The following SMYD3 variants were observed in gnomAD, a reference collection of about 807,000 sequenced individuals.
SMYD3 encodes the protein SET and MYND domain containing 3.
In SMYD3, 36 loss-of-function variants were observed where a neutral mutation model predicts 57.7. The observed-to-expected ratio is 0.62, with a 90% CI of 0.48 to 0.82. SMYD3 has a LOEUF of 0.82. Among genes scored for constraint, SMYD3 ranks in the 40% least tolerant of loss-of-function variants. The probability of loss-of-function intolerance (pLI) is 0.00; values close to 1 mark genes in which losing one functional copy is unlikely to be tolerated. For synonymous variants in SMYD3, 211 were observed against 195.0 expected (o/e 1.08, Z -0.68); for missense variants, 515 against 538.8 (o/e 0.96, Z 0.44).
intron 5 of SMYD3, among the ~76,000 whole-genome samples, chr1:246,295,368 G>A (rs1006870504): frequency 2.6e-5 from 4 of 152,180 alleles, no homozygotes; most frequent in African/African-American, 7.2e-5. Context: ...GAGTTGATGA[G>A]CAAACAAAGT....
chr1:245,773,468 C>T lies in SMYD3; in HGVS notation c.1077-9319G>A, dbSNP rs77525395. ...TTAAAAATTTCCTCACTCTCATGCC[C>T]GCGAGCAGCCTGGCTGGCAGCAGGG... On this transcript the variant is annotated intron_variant, in intron 10 of 11. Transcript: ENST00000490107. Among the ~76,000 whole-genome samples the T allele has an allele frequency of 6.8e-3, 1,030 of 152,278 alleles. 13 individuals carry two copies. Among genetic ancestry groups the T allele is most frequent in the African/African-American group, 0.023 (956 of 41,568 alleles).
chr1:246,487,720 G>A lies in SMYD3; in HGVS notation c.164+19334C>T, dbSNP rs1359868917. 2.0e-5 allele frequency among the ~76,000 whole-genome samples: 3 copies of A among 147,136 alleles called. No individual in the cohort carries two copies. In the East Asian group the frequency reaches 5.9e-4, roughly 29 times the overall value. The stretch of plus-strand genomic sequence containing the variant: ...CTTTTTTTTTTTTTTTTGAGATGGA[G>A]TTTCACTCTTGTTGCCCAGGCTGGA... On this transcript the variant is annotated intron_variant, in intron 1 of 11. Transcript: ENST00000490107.
intron 5 of SMYD3, among the ~76,000 whole-genome samples, chr1:246,030,282 C>T (rs183089828): frequency 3.7e-4 from 57 of 152,038 alleles, no homozygotes; most frequent in African/African-American, 1.2e-3. Flanking sequence ...GGAATGAGCC[C>T]GAAGGACATT....
chr1:245,962,114 T>A (rs1360081032), intron 5 of SMYD3, among the ~76,000 whole-genome samples: 1 of 152,096 alleles, frequency 6.6e-6, no homozygotes, highest in East Asian at 1.9e-4. Context: ...ATTTCATCTG[T>A]TTTACATGTG....
chr1:245,910,231 T>C (rs867845597), intron 8 of SMYD3, among the ~76,000 whole-genome samples: 7 of 152,186 alleles, frequency 4.6e-5, no homozygotes, highest in Middle Eastern at 3.4e-3. Flanking sequence ...CATAAACACC[T>C]AGGACTAAAC....
chr1:246,475,129 C>G (rs1444262562), intron 1 of SMYD3, among the ~76,000 whole-genome samples: 1 of 151,822 alleles, frequency 6.6e-6, no homozygotes, highest in East Asian at 1.9e-4. Context: ...CCACCCTGAC[C>G]AACATGGCAA....
At chr1:246,167,668 G>C (rs1219379292) in intron 5 of SMYD3, among the ~76,000 whole-genome samples, 1 of 151,776 alleles carries the variant, frequency 6.6e-6, no homozygotes, top group Admixed American at 6.6e-5. Context: ...ACCCCACCAG[G>C]CCTGGCTAAT....
intron 10 of SMYD3, among the ~76,000 whole-genome samples, chr1:245,856,240 C>T (rs1011969734): frequency 2.0e-5 from 3 of 152,238 alleles, no homozygotes; most frequent in African/African-American, 4.8e-5. Context: ...TTTCTCTCAA[C>T]TTTGTTGGTT....
intron 5 of SMYD3, among the ~76,000 whole-genome samples, chr1:246,251,539 G>T (rs34846695): frequency 0.044 from 2,670 of 61,000 alleles, 289 homozygotes; most frequent in East Asian, 0.29. Context: ...AGTAGGTGCC[G>T]CGGACACTGT....
chr1:245,912,923 A>G (rs2055105169), intron 8 of SMYD3, among the ~76,000 whole-genome samples: 2 of 152,214 alleles, frequency 1.3e-5, no homozygotes, highest in African/African-American at 4.8e-5. Flanking sequence ...GGGACTGTAA[A>G]CTAGTTCAAC....
intron 5 of SMYD3, among the ~76,000 whole-genome samples, chr1:246,301,831 A>G (rs2064896163): frequency 6.6e-6 from 1 of 152,196 alleles, no homozygotes. Flanking sequence ...TATAATACAA[A>G]GCAGAATATT....
intron 5 of SMYD3, chr1:246,186,634 A>T: frequency 2.0e-6 from 1 of 507,756 alleles, no homozygotes; most frequent in Non-Finnish European, 2.5e-6. Flanking sequence ...ACCCAAGTTC[A>T]TTTCATATCA....
chr1:246,414,042 G>A (rs752437113), intron 1 of SMYD3, among the ~76,000 whole-genome samples: 41 of 152,196 alleles, frequency 2.7e-4, no homozygotes, highest in Non-Finnish European at 4.9e-4. Flanking sequence ...TCTGTCTGTG[G>A]GTGGAAAGAG....
At chr1:245,928,125 G>T (rs1037231159) in intron 6 of SMYD3, 92 bp from the exon 7 acceptor site, 5 of 952,004 alleles carry the variant, frequency 5.3e-6, no homozygotes, top group Admixed American at 4.2e-5. Context: ...ACCTTCCTTT[G>T]GGGGGCAGCA....
chr1:246,194,272 G>T (rs1262026224), intron 5 of SMYD3, among the ~76,000 whole-genome samples: 21 of 144,410 alleles, frequency 1.5e-4, no homozygotes, highest in African/African-American at 3.8e-4. Context: ...GGGTTTTTTT[G>T]TTTTTTTTTT....
chr1:246,495,967 A>C (rs2068353734), intron 1 of SMYD3, among the ~76,000 whole-genome samples: 1 of 30,850 alleles, frequency 3.2e-5, no homozygotes, highest in Non-Finnish European at 7.5e-5. Flanking sequence ...CACCTCAAAA[A>C]ATAATAATAA....
chr1:245,897,031 T>C (rs1219481231), intron 8 of SMYD3, among the ~76,000 whole-genome samples: 1 of 152,144 alleles, frequency 6.6e-6, no homozygotes, highest in Non-Finnish European at 1.5e-5. Flanking sequence ...TAAAATAAAC[T>C]TCATGGAACT....
intron 5 of SMYD3, among the ~76,000 whole-genome samples, chr1:246,061,822 T>C (rs538418078): frequency 2.6e-5 from 4 of 152,202 alleles, no homozygotes; most frequent in Non-Finnish European, 4.4e-5. Context: ...AGTGATGAAA[T>C]GAGAGCTGCC....
intron 5 of SMYD3, among the ~76,000 whole-genome samples, chr1:246,164,014 T>C (rs1449036748): frequency 2.0e-5 from 3 of 152,194 alleles, no homozygotes; most frequent in South Asian, 2.1e-4. Flanking sequence ...TAGTTCAAGT[T>C]CTCTGCTGGG....
Sources: allele counts gnomAD v4.1 joint callset (sites outside exome capture counted in the v4.1 genomes callset), GRCh38; gene constraint gnomAD v4.1.1; transcripts MANE v1.5; gene names NCBI Gene and HGNC (gene_info 2026-07-23, HGNC 2026-07-21).